The following ZDHHC9 variants were observed in gnomAD, a reference collection of about 807,000 sequenced individuals.
The protein encoded by ZDHHC9 is zDHHC palmitoyltransferase 9.
In ZDHHC9, 3 loss-of-function variants were observed where a neutral mutation model predicts 26.6. The observed-to-expected ratio is 0.11, with a 90% CI of 0.05 to 0.29. The LOEUF is 0.29. Among genes scored for constraint, ZDHHC9 ranks in the 10% least tolerant of loss-of-function variants. The probability of loss-of-function intolerance (pLI) is 1.00; values close to 1 mark genes in which losing one functional copy is unlikely to be tolerated. For synonymous variants in ZDHHC9, 111 were observed against 109.4 expected (o/e 1.01, Z -0.09); for missense variants, 146 against 296.4 (o/e 0.49, Z 3.73).
intron 4 of ZDHHC9, among the ~76,000 whole-genome samples, chrX:129,827,270 G>GGGAGGGAGGGAGGGAGGGAA (rs1371465985): frequency 1.1e-5 from 1 of 89,318 alleles, no homozygotes; most frequent in African/African-American, 4.1e-5. Flanking sequence ...AAGGAAGGAA[G>GGGAGGGAGGGAGGGAGGGAA]GGAGGGAGGG....
At chrX:129,813,243 CA>C (rs1927684834) in intron 7 of ZDHHC9, among the ~76,000 whole-genome samples, 1 of 112,088 alleles carries the variant, frequency 8.9e-6, no homozygotes, top group Admixed American at 9.5e-5. Context: ...ATTAAAAATA[CA>C]AAAAATTAGC....
Position 129,809,736 on chromosome X carries a change from C to T in ZDHHC9, c.978+1169G>A, listed in dbSNP as rs183688175. On this transcript the variant is annotated intron_variant, in intron 10 of 10. Transcript: ENST00000357166. ...GGGATCAGTTGGGCGCAGTGGCTCACGCCTGTAATCCTCTACTTTGGGAGG... is the reference window on the plus strand; with the variant it reads ...GGGATCAGTTGGGCGCAGTGGCTCATGCCTGTAATCCTCTACTTTGGGAGG... Among the ~76,000 whole-genome samples the T allele has an allele frequency of 2.1e-4, 24 of 112,135 alleles. No homozygotes were observed. In the East Asian group the frequency reaches 5.0e-3, roughly 23 times the overall value.
chrX:129,825,832 AC>A (rs1401514083), intron 4 of ZDHHC9, among the ~76,000 whole-genome samples: 4 of 112,098 alleles, frequency 3.6e-5, no homozygotes, highest in Non-Finnish European at 7.5e-5. Context: ...AAAATGATGC[AC>A]CAAAAATCCT....
At chrX:129,809,015 A>T (rs1927578511) in intron 10 of ZDHHC9, among the ~76,000 whole-genome samples, 1 of 112,450 alleles carries the variant, frequency 8.9e-6, no homozygotes, top group African/African-American at 3.2e-5. Context: ...AACCACAATG[A>T]GATACCACTT....
intron 4 of ZDHHC9, among the ~76,000 whole-genome samples, chrX:129,827,051 G>A (rs1928030951): frequency 9.1e-6 from 1 of 109,856 alleles, no homozygotes; most frequent in African/African-American, 3.3e-5. Flanking sequence ...AAAATTAGCT[G>A]GGAGTGGTGG....
At chrX:129,841,682 G>A (rs1928385298) in intron 3 of ZDHHC9, 97 bp downstream of exon 3, 1 of 1,067,315 alleles carries the variant, frequency 9.4e-7, no homozygotes, top group Non-Finnish European at 1.3e-6. Flanking sequence ...GGACGTTAAA[G>A]TCATCCAAGG....
intron 7 of ZDHHC9, 82 bp downstream of exon 7, chrX:129,813,595 T>G: frequency 1.0e-6 from 1 of 986,677 alleles, no homozygotes; most frequent in Non-Finnish European, 1.4e-6. Context: ...AAAAACTAGA[T>G]AGTGGGAGAA....
intron 5 of ZDHHC9, among the ~76,000 whole-genome samples, chrX:129,819,059 G>A (rs1281950342): frequency 6.5e-5 from 7 of 106,968 alleles, no homozygotes; most frequent in East Asian, 2.9e-4. Context: ...TGTAGTCCCA[G>A]CTACTCGGGA....
intron 4 of ZDHHC9, 111 bp downstream of exon 4, chrX:129,828,870 G>A: frequency 9.7e-7 from 1 of 1,031,656 alleles, no homozygotes; most frequent in Non-Finnish European, 1.4e-6. Flanking sequence ...GGATCTCAGA[G>A]AGAAAAGGCT....
chrX:129,815,946 A>C (rs759371776), intron 5 of ZDHHC9, among the ~76,000 whole-genome samples: 6 of 111,770 alleles, frequency 5.4e-5, no homozygotes, highest in Non-Finnish European at 1.1e-4. Context: ...TGTGGTGATG[A>C]ATATGTTCAT....
chrX:129,832,672 A>G (rs1928168308), intron 3 of ZDHHC9, among the ~76,000 whole-genome samples: 1 of 110,645 alleles, frequency 9.0e-6, no homozygotes, highest in South Asian at 3.7e-4. Context: ...AGTCCCAGCT[A>G]CTTGGGAGGC....
chrX:129,838,181 C>T (rs1928301234), intron 3 of ZDHHC9, among the ~76,000 whole-genome samples: 1 of 112,174 alleles, frequency 8.9e-6, no homozygotes, highest in African/African-American at 3.2e-5. Context: ...ATACGTTTAC[C>T]ATGAATACAA....
At chrX:129,835,962 G>C (rs1468604682) in intron 3 of ZDHHC9, among the ~76,000 whole-genome samples, 1 of 112,093 alleles carries the variant, frequency 8.9e-6, no homozygotes, top group African/African-American at 3.2e-5. Context: ...AAACTCATTT[G>C]GTTAGTCAAG....
At chrX:129,806,901 CA>C in intron 10 of ZDHHC9, among the ~76,000 whole-genome samples, 1 of 111,661 alleles carries the variant, frequency 9.0e-6, no homozygotes, top group Middle Eastern at 4.6e-3. Flanking sequence ...GCCAAGTGTC[CA>C]AATTTTCAGC....
At position 129,834,078 on chromosome X, in the gene ZDHHC9, T is replaced by G. The variant is rs905139620; in HGVS notation, c.168-4937A>C. The stretch of plus-strand genomic sequence containing the variant: ...GGGGGGTGATTAGGTCACCTAAGGC[T>G]CCACCCTCATGAATGGGATTAGCAT... On this transcript the variant is annotated intron_variant, in intron 3 of 10. Coordinates refer to ENST00000357166, the MANE Select transcript of ZDHHC9 (RefSeq NM_016032.4). 3.6e-5 allele frequency among the ~76,000 whole-genome samples: 4 copies of G among 111,643 alleles called. No individual in the cohort carries two copies. In the Admixed American group the frequency reaches 3.8e-4, roughly 11 times the overall value.
In ZDHHC9 at chrX:129,841,760, C is replaced by G; in HGVS notation, c.167+19G>C. 1.7e-6 allele frequency: 2 copies of G among 1,211,353 alleles called. No individual in the cohort carries two copies. The highest frequency in any genetic ancestry group is 3.5e-5 in the South Asian group (2 of 56,980). ...CCAAAGTAACCATAATCAGGTAACT[C>G]TACTCAACCGAAACTCACTCAAAGG... is the stretch of plus-strand genomic sequence containing the variant. On this transcript the variant is annotated intron_variant, in intron 3 of 10. Transcript: ENST00000357166.
At chrX:129,820,650 T>G (rs576041026) in intron 5 of ZDHHC9, among the ~76,000 whole-genome samples, 1 of 111,861 alleles carries the variant, frequency 8.9e-6, no homozygotes. Context: ...TAGCCAATTA[T>G]ATTGTTATGA....
intron 3 of ZDHHC9, among the ~76,000 whole-genome samples, chrX:129,829,630 G>A (rs1928097196): frequency 8.9e-6 from 1 of 112,190 alleles, no homozygotes; most frequent in African/African-American, 3.2e-5. Flanking sequence ...CAGACAGAGA[G>A]TATCTCAGCA....
At position 129,806,540 on chromosome X, in the gene ZDHHC9, T is replaced by A; in HGVS notation, c.979-54A>T. On this transcript the variant is annotated intron_variant, in intron 10 of 10. Transcript: ENST00000357166. The stretch of plus-strand genomic sequence containing the variant: ...ACAAAGCTGTTCCTCAAAATCCAAA[T>A]GCAGATAAACCTTAGACACTGAACT... 3.7e-6 allele frequency: 4 copies of A among 1,073,262 alleles called. No individual in the cohort carries two copies. In the Admixed American group the frequency reaches 8.9e-5, roughly 24 times the overall value. 88.4% of individuals were successfully genotyped at this position (1,073,262 alleles called of 1,213,427 possible).
Sources: allele counts gnomAD v4.1 joint callset (sites outside exome capture counted in the v4.1 genomes callset), GRCh38; gene constraint gnomAD v4.1.1; transcripts MANE v1.5; gene names NCBI Gene and HGNC (gene_info 2026-07-23, HGNC 2026-07-21).